ADGRL3: variants seen among roughly 807,000 people sequenced by gnomAD.
ADGRL3 encodes adhesion G protein-coupled receptor L3, also known as calcium-independent alpha-latrotoxin receptor 3.
ADGRL3 carries 62 observed loss-of-function variants against 153.5 expected under a neutral mutation model. That is an observed-to-expected ratio of 0.40 (90% CI 0.33 to 0.50). The LOEUF (loss-of-function observed/expected upper bound fraction) is 0.50. ADGRL3 is among the 20% of genes least tolerant of loss of function. The pLI is 0.47. For synonymous variants in ADGRL3, 710 were observed against 672.5 expected (o/e 1.06, Z -0.86); for missense variants, 1,641 against 1,859.4 (o/e 0.88, Z 2.16).
In ADGRL3 at chr4:62,070,236, T is replaced by C. The variant is rs763373770; in HGVS notation, c.3960T>C (p.Arg1320=). The change falls in exon 27 of 27, where the codon CGT becomes CGC. Residue 1320 remains arginine, a synonymous_variant. Coordinates refer to ENST00000683033, the MANE Select transcript of ADGRL3 (RefSeq NM_001387552.1). ...YLSNCVQIID[R]GYNHNETALE... is the part of the protein sequence containing the mutation. ...GCAACTGTGTGCAAATCATAGACCG[T>C]GGCTATAACCATAACGAGACCGCCC... is the stretch of plus-strand genomic sequence containing the variant. The C allele has an allele frequency of 1.9e-6, 3 of 1,613,594 alleles. No individual in the cohort carries two copies. Among genetic ancestry groups the C allele is most frequent in the Middle Eastern group, 1.7e-4 (1 of 6,056 alleles).
At chr4:61,256,383 T>C (rs1462819898) in intron 1 of ADGRL3, among the ~76,000 whole-genome samples, 1 of 152,170 alleles carries the variant, frequency 6.6e-6, no homozygotes, top group African/African-American at 2.4e-5. Context: ...TAATTAGGAA[T>C]TTTAAAACTC....
At chr4:61,563,977 C>G (rs2098806233) in intron 4 of ADGRL3, among the ~76,000 whole-genome samples, 1 of 152,022 alleles carries the variant, frequency 6.6e-6, no homozygotes, top group Admixed American at 6.6e-5. Flanking sequence ...CCATTGGACT[C>G]CAGCCTGGTG....
chr4:61,213,819 G>C (rs181014507), intron 1 of ADGRL3, among the ~76,000 whole-genome samples: 404 of 152,234 alleles, frequency 2.7e-3, no homozygotes, highest in Non-Finnish European at 4.4e-3. Context: ...GTGTCATCAT[G>C]AATATCCGAG....
At chr4:61,910,830 A>G (rs1342674956) in intron 12 of ADGRL3, among the ~76,000 whole-genome samples, 1 of 151,782 alleles carries the variant, frequency 6.6e-6, no homozygotes, top group African/African-American at 2.4e-5. Context: ...TCAAAAGGAA[A>G]GAAATTTTCT....
intron 9 of ADGRL3, among the ~76,000 whole-genome samples, chr4:61,815,889 A>G (rs6839996): frequency 0.054 from 8,147 of 152,270 alleles, 368 homozygotes; most frequent in African/African-American, 0.12. Flanking sequence ...GCCCCTGACG[A>G]TGGGCTTCTC....
At chr4:61,382,999 A>G (rs1405909115) in intron 1 of ADGRL3, 125 bp from the exon 2 acceptor site, 1 of 151,828 alleles carries the variant, frequency 6.6e-6, no homozygotes, top group Non-Finnish European at 1.5e-5. Flanking sequence ...GACCTCAGGC[A>G]TTGTGGGAAA....
chr4:61,856,021 C>T (rs1047169947), intron 9 of ADGRL3, among the ~76,000 whole-genome samples: 2 of 151,946 alleles, frequency 1.3e-5, no homozygotes, highest in African/African-American at 4.8e-5. Flanking sequence ...CTCACCATAC[C>T]GAAAGAGTTG....
At chr4:61,856,953 T>TTTCTTTCC (rs2098276506) in intron 9 of ADGRL3, among the ~76,000 whole-genome samples, 1 of 36,652 alleles carries the variant, frequency 2.7e-5, no homozygotes, top group African/African-American at 1.1e-4. Flanking sequence ...TCTTCTTCTC[T>TTTCTTTCC]TTCTTTCTTT....
intron 20 of ADGRL3, 83 bp downstream of exon 20, chr4:61,996,440 C>T: frequency 1.0e-6 from 1 of 955,794 alleles, no homozygotes; most frequent in Non-Finnish European, 1.6e-6. Context: ...CTTTAATTTA[C>T]AGAGGTTAAT....
At chr4:61,901,310 G>A (rs555432749) in intron 11 of ADGRL3, among the ~76,000 whole-genome samples, 2 of 152,296 alleles carry the variant, frequency 1.3e-5, no homozygotes, top group African/African-American at 4.8e-5. Context: ...AGAAGGATGT[G>A]AAAATCTAGA....
At chr4:61,595,728 A>G (rs562042094) in intron 5 of ADGRL3, among the ~76,000 whole-genome samples, 1 of 152,126 alleles carries the variant, frequency 6.6e-6, no homozygotes, top group Non-Finnish European at 1.5e-5. Flanking sequence ...GCCTAGCACT[A>G]GGAATTGCAG....
chr4:61,641,558 T>G (rs1409720501), intron 5 of ADGRL3, among the ~76,000 whole-genome samples: 3 of 151,612 alleles, frequency 2.0e-5, no homozygotes, highest in Non-Finnish European at 2.9e-5. Context: ...GTTCTTGCGA[T>G]AGTTTACTGA....
chr4:61,397,530 C>A (rs1378066848), intron 2 of ADGRL3, among the ~76,000 whole-genome samples: 1 of 151,906 alleles, frequency 6.6e-6, no homozygotes, highest in African/African-American at 2.4e-5. Context: ...TTGAAAGCAT[C>A]TCTTTTAGCT....
chr4:61,443,077 T>C (rs892661043), intron 2 of ADGRL3, among the ~76,000 whole-genome samples: 1 of 152,188 alleles, frequency 6.6e-6, no homozygotes, highest in African/African-American at 2.4e-5. Flanking sequence ...CTAAATCCAG[T>C]GCACTGTTTC....
At chr4:61,972,168 C>G (rs935558498) in intron 17 of ADGRL3, among the ~76,000 whole-genome samples, 8 of 152,016 alleles carry the variant, frequency 5.3e-5, no homozygotes, top group African/African-American at 1.9e-4. Flanking sequence ...TTAATTAGAT[C>G]CCATTTGTCA....
chr4:61,923,550 G>T (rs10517549), intron 13 of ADGRL3, among the ~76,000 whole-genome samples: 108,743 of 151,922 alleles, frequency 0.72, 39,278 homozygotes, highest in African/African-American at 0.78. Flanking sequence ...GCCAGGAGAT[G>T]TAAATACTTT....
intron 2 of ADGRL3, among the ~76,000 whole-genome samples, chr4:61,481,428 A>G (rs2098130660): frequency 6.6e-6 from 1 of 152,112 alleles, no homozygotes; most frequent in Non-Finnish European, 1.5e-5. Flanking sequence ...GAGCCACCAT[A>G]TATGTACATG....
chr4:61,619,198 T>C (rs1418524175), intron 5 of ADGRL3, among the ~76,000 whole-genome samples: 1 of 152,152 alleles, frequency 6.6e-6, no homozygotes, highest in Non-Finnish European at 1.5e-5. Flanking sequence ...AAACAACCGG[T>C]GGCTGTCTTT....
chr4:61,446,843 G>T (rs1578905466), intron 2 of ADGRL3, among the ~76,000 whole-genome samples: 1 of 152,246 alleles, frequency 6.6e-6, no homozygotes, highest in East Asian at 1.9e-4. Flanking sequence ...TTCCCTACTT[G>T]CTATAGAAGA....
Sources: allele counts gnomAD v4.1 joint callset (sites outside exome capture counted in the v4.1 genomes callset), GRCh38; gene constraint gnomAD v4.1.1; transcripts MANE v1.5; gene names NCBI Gene and HGNC (gene_info 2026-07-23, HGNC 2026-07-21).